Variants in PPFIBP1 observed in about 807,000 individuals in gnomAD.
PPFIBP1 encodes the protein PPFIB scaffold protein 1.
In PPFIBP1, 112 loss-of-function variants were observed where a neutral mutation model predicts 137.8. That is an observed-to-expected ratio of 0.81 (90% confidence interval 0.70 to 0.95). The LOEUF is 0.95. Ranked by LOEUF, PPFIBP1 falls within the 40% of genes least tolerant of loss-of-function variation. The pLI is 0.00. For synonymous variants in PPFIBP1, 378 were observed against 417.3 expected, an observed-to-expected ratio of 0.91 and a Z score of 1.15; for missense variants, 1,083 against 1,196.6, an observed-to-expected ratio of 0.91 and a Z score of 1.40.
At chr12:27,661,056 C>T (rs2059514419) in intron 11 of PPFIBP1, 111 bp downstream of exon 11, 23 of 1,444,428 alleles carry the variant, frequency 1.6e-5, no homozygotes, top group South Asian at 2.8e-5. Flanking sequence ...CAGAACACTG[C>T]TAGGAGTGAG....
At chr12:27,544,769 T>C (rs1946053142) in intron 1 of PPFIBP1, among the ~76,000 whole-genome samples, 1 of 152,074 alleles carries the variant, frequency 6.6e-6, no homozygotes, top group African/African-American at 2.4e-5. Context: ...TGTAGAGAAA[T>C]AGGAACGCTG....
At chr12:27,671,608 G>A in intron 14 of PPFIBP1, 62 bp downstream of exon 14, 1 of 1,068,852 alleles carries the variant, frequency 9.4e-7, no homozygotes, top group Non-Finnish European at 1.3e-6. Flanking sequence ...CAAAGACAAG[G>A]ATGTATTGCA....
intron 2 of PPFIBP1, among the ~76,000 whole-genome samples, chr12:27,601,566 C>G (rs886944060): frequency 2.0e-5 from 3 of 152,204 alleles, no homozygotes; most frequent in Non-Finnish European, 4.4e-5. Context: ...ATGACAGTCT[C>G]TGAGTTATGT....
At chr12:27,594,418 T>A (rs1204685285) in intron 2 of PPFIBP1, among the ~76,000 whole-genome samples, 1 of 152,150 alleles carries the variant, frequency 6.6e-6, no homozygotes, top group Non-Finnish European at 1.5e-5. Context: ...CCTCAGGTGA[T>A]CCACCCACCT....
intron 14 of PPFIBP1, 27 bp downstream of exon 14, chr12:27,671,573 T>C (rs758591808): frequency 1.2e-5 from 17 of 1,391,726 alleles, no homozygotes; most frequent in Middle Eastern, 2.2e-4. Flanking sequence ...CAGTGCAATA[T>C]AAATGTTCAA....
At chr12:27,662,839 C>T (rs990160991) in intron 11 of PPFIBP1, among the ~76,000 whole-genome samples, 1 of 152,204 alleles carries the variant, frequency 6.6e-6, no homozygotes, top group Non-Finnish European at 1.5e-5. Flanking sequence ...TGAGACCCAT[C>T]AATTTTAGGA....
chr12:27,530,940 G>A (rs1041615221), intron 1 of PPFIBP1, among the ~76,000 whole-genome samples: 1 of 152,184 alleles, frequency 6.6e-6, no homozygotes, highest in Admixed American at 6.5e-5. Flanking sequence ...ATAGCATTCT[G>A]CAACTGCTCT....
intron 9 of PPFIBP1, among the ~76,000 whole-genome samples, chr12:27,657,409 C>A (rs1024629566): frequency 4.0e-5 from 6 of 151,408 alleles, no homozygotes; most frequent in Admixed American, 2.6e-4. Context: ...TCTGACAACA[C>A]TAGGTTAAAT....
chr12:27,612,351 T>TTTTTTTG, intron 2 of PPFIBP1, among the ~76,000 whole-genome samples: 1 of 146,312 alleles, frequency 6.8e-6, no homozygotes, highest in Non-Finnish European at 1.5e-5. Context: ...TTTTTTTTTT[T>TTTTTTTG]GAGACAGGGT....
intron 1 of PPFIBP1, among the ~76,000 whole-genome samples, chr12:27,554,262 G>A (rs1425210327): frequency 2.6e-5 from 4 of 152,146 alleles, no homozygotes; most frequent in Non-Finnish European, 4.4e-5. Context: ...GTTGCCATCC[G>A]CCAGATTTCT....
intron 24 of PPFIBP1, among the ~76,000 whole-genome samples, chr12:27,687,004 G>A (rs541670133): frequency 2.0e-5 from 3 of 152,272 alleles, no homozygotes; most frequent in East Asian, 3.9e-4. Context: ...TTTATCCACC[G>A]ATAAAGTTCT....
intron 1 of PPFIBP1, among the ~76,000 whole-genome samples, chr12:27,570,433 A>C (rs758529988): frequency 2.4e-4 from 36 of 152,228 alleles, no homozygotes; most frequent in Non-Finnish European, 5.1e-4. Context: ...GATTGATTTC[A>C]AATTCTACCC....
intron 2 of PPFIBP1, among the ~76,000 whole-genome samples, chr12:27,595,666 C>T (rs1391140082): frequency 6.6e-6 from 1 of 151,938 alleles, no homozygotes; most frequent in Non-Finnish European, 1.5e-5. Context: ...ACCAGCCTGA[C>T]CAACATGGAG....
chr12:27,678,120 T>C (rs1048921181), intron 19 of PPFIBP1: 1 of 152,252 alleles, frequency 6.6e-6, no homozygotes, highest in Non-Finnish European at 1.5e-5. Context: ...TTTCTGCAAC[T>C]CATAGATCTT....
At position 27,673,755 on chromosome 12, in the gene PPFIBP1, T is replaced by A. The variant is rs1447339857; in HGVS notation, c.1320-12T>A. On this transcript the variant is annotated splice_polypyrimidine_tract_variant and intron_variant, in intron 15 of 29. Transcript: ENST00000228425. The stretch of plus-strand genomic sequence containing the variant: ...GCCACTTATTATTAATTGTTATTAC[T>A]GTTATTTTTAGAACTTCAAGTCTGC... The A allele has an allele frequency of 1.2e-6, 2 of 1,609,934 alleles. No homozygotes were observed. The highest frequency in any genetic ancestry group is 1.7e-5 in the Admixed American group (1 of 59,814).
chr12:27,531,196 GTAACT>G (rs1944376524), intron 1 of PPFIBP1, among the ~76,000 whole-genome samples: 1 of 152,184 alleles, frequency 6.6e-6, no homozygotes, highest in Non-Finnish European at 1.5e-5. Flanking sequence ...ATATTGGCAA[GTAACT>G]TAACCTCTCT....
chr12:27,580,982 C>T (rs1034127833), intron 2 of PPFIBP1, among the ~76,000 whole-genome samples: 2 of 151,752 alleles, frequency 1.3e-5, no homozygotes, highest in African/African-American at 4.8e-5. Context: ...GTGATCCTTG[C>T]TCACTGGGCT....
chr12:27,593,305 C>G (rs991339693), intron 2 of PPFIBP1: 2 of 358,236 alleles, frequency 5.6e-6, no homozygotes, highest in African/African-American at 4.3e-5. Context: ...GGTATCACTT[C>G]GGGCCCCTTG....
At chr12:27,535,330 A>G (rs2135889634) in intron 1 of PPFIBP1, among the ~76,000 whole-genome samples, 1 of 152,302 alleles carries the variant, frequency 6.6e-6, no homozygotes, top group Middle Eastern at 3.4e-3. Context: ...AAATTAAAAA[A>G]CTAAGCAGTG....
Sources: allele counts gnomAD v4.1 joint callset (sites outside exome capture counted in the v4.1 genomes callset), GRCh38; gene constraint gnomAD v4.1.1; transcripts MANE v1.5; gene names NCBI Gene and HGNC (gene_info 2026-07-23, HGNC 2026-07-21).